Variants in IPMK observed in about 807,000 individuals in gnomAD.
IPMK encodes the protein inositol 1,3,4,6-tetrakisphosphate 5-kinase.
A neutral mutation model predicts 45.8 loss-of-function variants in IPMK; 17 were observed. The observed-to-expected ratio is 0.37, with a 90% CI of 0.25 to 0.56. The LOEUF (loss-of-function observed/expected upper bound fraction) is 0.56. Ranked by LOEUF, IPMK falls within the 20% of genes least tolerant of loss-of-function variation. The pLI, the probability that IPMK is intolerant of heterozygous loss-of-function variation, is 0.79. For synonymous variants in IPMK, 180 were observed against 184.3 expected (o/e 0.98, Z 0.19); for missense variants, 399 against 498.0 (o/e 0.80, Z 1.89).
chr10:58,265,440 G>A (rs1040518291), intron 1 of IPMK, among the ~76,000 whole-genome samples: 2 of 152,132 alleles, frequency 1.3e-5, no homozygotes, highest in African/African-American at 2.4e-5. Context: ...TGACAGTGGA[G>A]AAACATAATA....
At chr10:58,237,439 A>G (rs1018216499) in intron 2 of IPMK, among the ~76,000 whole-genome samples, 2 of 152,212 alleles carry the variant, frequency 1.3e-5, no homozygotes, top group African/African-American at 4.8e-5. Context: ...AGAGCATACC[A>G]TTTGTTTCTT....
At chr10:58,218,736 A>C (rs1424270680) in intron 3 of IPMK, among the ~76,000 whole-genome samples, 1 of 152,192 alleles carries the variant, frequency 6.6e-6, no homozygotes, top group African/African-American at 2.4e-5. Flanking sequence ...GATTAAAAAC[A>C]AACAACAAAC....
Position 58,192,770 on chromosome 10 carries a change from T to C in IPMK, c.*3306A>G, listed in dbSNP as rs1415870373. The C allele has an allele frequency of 1.3e-5, 2 of 152,018 alleles. No individual in the cohort carries two copies. The highest frequency in any genetic ancestry group is 2.9e-5 in the Non-Finnish European group (2 of 67,900). The allele number at this position is 152,018 out of a possible 1,614,324, so 9.4% of individuals were successfully genotyped here. A position where few individuals can be genotyped will look rare whatever the true frequency, so the allele number is the denominator to read the frequency against. ...CTTGTTTTTCCAAAGCATTAACAGA[T>C]AATTGTTACCTCTTTAAATAATCAG... On this transcript the variant is annotated 3_prime_UTR_variant, in exon 6 of 6. Coordinates refer to ENST00000373935, the MANE Select transcript of IPMK (RefSeq NM_152230.5).
At chr10:58,227,221 T>C in intron 2 of IPMK, 82 bp from the exon 3 acceptor site, 1 of 1,038,704 alleles carries the variant, frequency 9.6e-7, no homozygotes, top group Non-Finnish European at 1.4e-6. Flanking sequence ...AAATTTATGT[T>C]GAATTATAAT....
intron 3 of IPMK, among the ~76,000 whole-genome samples, chr10:58,223,564 C>A (rs1260833152): frequency 6.6e-6 from 1 of 152,112 alleles, no homozygotes; most frequent in Non-Finnish European, 1.5e-5. Flanking sequence ...TCTGGAAAAT[C>A]TACTAGGTAT....
intron 2 of IPMK, among the ~76,000 whole-genome samples, chr10:58,233,586 G>A (rs1838561034): frequency 1.3e-5 from 2 of 152,014 alleles, no homozygotes; most frequent in Non-Finnish European, 2.9e-5. Flanking sequence ...ATTATCTCAA[G>A]AGATGAAGAA....
chr10:58,248,794 T>C (rs1324543300), intron 1 of IPMK, among the ~76,000 whole-genome samples: 1 of 152,208 alleles, frequency 6.6e-6, no homozygotes. Flanking sequence ...CATGTGTTAT[T>C]CGTCTTTCCA....
intron 2 of IPMK, among the ~76,000 whole-genome samples, chr10:58,233,758 C>T (rs1351962151): frequency 6.6e-6 from 1 of 152,086 alleles, no homozygotes; most frequent in African/African-American, 2.4e-5. Context: ...AAAACTGGCA[C>T]AAGACAAGGA....
intron 4 of IPMK, among the ~76,000 whole-genome samples, chr10:58,211,346 C>T (rs886621163): frequency 6.6e-5 from 10 of 151,982 alleles, no homozygotes; most frequent in Non-Finnish European, 1.5e-4. Context: ...CGTGTGCCAC[C>T]ATATGCAACT....
Position 58,227,271 on chromosome 10 carries a change from A to C in IPMK, c.277-132T>G, listed in dbSNP as rs1838432560. 5.5e-5 allele frequency: 34 copies of C among 620,316 alleles called. No homozygotes were observed. The South Asian group carries it at 6.7e-4, about 12-fold the overall frequency. 38.4% of individuals were successfully genotyped at this position (620,316 alleles called of 1,614,324 possible). A position where few individuals can be genotyped will look rare whatever the true frequency, so the allele number is the denominator to read the frequency against. On this transcript the variant is annotated intron_variant, in intron 2 of 5. Coordinates refer to ENST00000373935, the MANE Select transcript of IPMK (RefSeq NM_152230.5). ...TTCAATTGCAAGTAAATTTGGAACA[A>C]GCAAAAAATATTACTGTGTGTCTCC... is the stretch of plus-strand genomic sequence containing the variant.
At chr10:58,196,994 T>C (rs1046749934) in intron 5 of IPMK, among the ~76,000 whole-genome samples, 5 of 152,188 alleles carry the variant, frequency 3.3e-5, no homozygotes, top group East Asian at 1.9e-4. Flanking sequence ...TCTCTCACTA[T>C]ATTCTCTTAA....
At chr10:58,220,502 C>G (rs1473528161) in intron 3 of IPMK, among the ~76,000 whole-genome samples, 1 of 152,142 alleles carries the variant, frequency 6.6e-6, no homozygotes, top group Admixed American at 6.5e-5. Flanking sequence ...CTATAATTTG[C>G]TAGCCTGTGA....
chr10:58,227,959 C>A (rs1838444102), intron 2 of IPMK, among the ~76,000 whole-genome samples: 1 of 151,710 alleles, frequency 6.6e-6, no homozygotes, highest in Non-Finnish European at 1.5e-5. Flanking sequence ...ATTATATATG[C>A]CAAACCATAT....
chr10:58,213,605 T>C (rs1328865852), intron 4 of IPMK, among the ~76,000 whole-genome samples: 1 of 150,588 alleles, frequency 6.6e-6, no homozygotes. Context: ...GAGAATGGCA[T>C]GAAGCCAGGA....
chr10:58,210,910 G>A (rs1409207304), intron 4 of IPMK, among the ~76,000 whole-genome samples: 1 of 152,194 alleles, frequency 6.6e-6, no homozygotes, highest in Non-Finnish European at 1.5e-5. Flanking sequence ...TTCACATTGT[G>A]AATCTCCACA....
intron 4 of IPMK, among the ~76,000 whole-genome samples, chr10:58,209,910 T>G (rs1838132563): frequency 6.6e-6 from 1 of 152,220 alleles, no homozygotes; most frequent in African/African-American, 2.4e-5. Context: ...AGAGCACCAC[T>G]TGCAGTATTG....
At chr10:58,263,015 A>T (rs1839097913) in intron 1 of IPMK, among the ~76,000 whole-genome samples, 2 of 152,216 alleles carry the variant, frequency 1.3e-5, no homozygotes, top group Non-Finnish European at 2.9e-5. Context: ...GATGAAGTTG[A>T]TGAGAATCCA....
At chr10:58,227,957 T>C (rs988300284) in intron 2 of IPMK, among the ~76,000 whole-genome samples, 8 of 152,224 alleles carry the variant, frequency 5.3e-5, no homozygotes, top group African/African-American at 1.9e-4. Context: ...TAATTATATA[T>C]GCCAAACCAT....
intron 1 of IPMK, among the ~76,000 whole-genome samples, chr10:58,246,317 T>C (rs541739826): frequency 8.0e-5 from 12 of 149,886 alleles, no homozygotes; most frequent in South Asian, 4.2e-4. Context: ...AAAGTTCATA[T>C]GGAACCAAAA....
Sources: gnomAD v4.1 joint callset for allele counts (sites outside exome capture counted in the v4.1 genomes callset) on GRCh38, gnomAD v4.1.1 for gene constraint, MANE v1.5 for transcripts, NCBI Gene and HGNC (gene_info 2026-07-23, HGNC 2026-07-21) for gene names.